Variants in EPHB1 observed in about 807,000 individuals in gnomAD.
EPHB1 encodes the protein ephrin type-B receptor 1.
In EPHB1, 30 loss-of-function variants were observed where a neutral mutation model predicts 94.4. That is an observed-to-expected ratio of 0.32 (90% CI 0.24 to 0.43). EPHB1 has a LOEUF of 0.43. Among genes scored for constraint, EPHB1 ranks in the 20% least tolerant of loss-of-function variants. The pLI is 1.00. For missense variants in EPHB1, 1,055 were observed against 1,308.3 expected (o/e 0.81, Z 2.99); for synonymous variants, 522 against 489.1 (o/e 1.07, Z -0.89).
chr3:135,004,339 G>C (rs946363052), intron 3 of EPHB1, among the ~76,000 whole-genome samples: 7 of 151,648 alleles, frequency 4.6e-5, no homozygotes, highest in African/African-American at 1.7e-4. Context: ...CTGTTAGTCT[G>C]ATGGTCTTCC....
intron 3 of EPHB1, among the ~76,000 whole-genome samples, chr3:135,065,147 C>T (rs573255252): frequency 1.3e-4 from 20 of 152,132 alleles, no homozygotes; most frequent in African/African-American, 2.4e-4. Flanking sequence ...GAGAAAGTTC[C>T]GTGCACTGTT....
intron 1 of EPHB1, among the ~76,000 whole-genome samples, chr3:134,867,546 G>A (rs973381642): frequency 5.9e-5 from 9 of 152,214 alleles, no homozygotes; most frequent in Admixed American, 3.9e-4. Context: ...AGTGAGAGGT[G>A]CACTTGGCCT....
intron 1 of EPHB1, among the ~76,000 whole-genome samples, chr3:134,847,430 A>T (rs923037334): frequency 2.2e-4 from 34 of 152,346 alleles, no homozygotes; most frequent in East Asian, 1.5e-3. Flanking sequence ...CACTCCACCT[A>T]CTTTACCAGT....
chr3:135,120,725 C>T (rs1445731061), intron 4 of EPHB1, among the ~76,000 whole-genome samples: 1 of 152,318 alleles, frequency 6.6e-6, no homozygotes, highest in East Asian at 1.9e-4. Flanking sequence ...GCACATGTCT[C>T]TTTTACAGCT....
At chr3:135,227,753 A>G (rs1206166813) in intron 12 of EPHB1, among the ~76,000 whole-genome samples, 1 of 152,218 alleles carries the variant, frequency 6.6e-6, no homozygotes. Flanking sequence ...TAAAAAAATA[A>G]TGTCAAACTT....
chr3:134,905,733 G>A (rs2038309925), intron 1 of EPHB1, among the ~76,000 whole-genome samples: 1 of 152,174 alleles, frequency 6.6e-6, no homozygotes, highest in Non-Finnish European at 1.5e-5. Flanking sequence ...GTTTCCTCTT[G>A]GTGCTGACCA....
At chr3:135,215,475 T>G (rs1237151279) in intron 12 of EPHB1, among the ~76,000 whole-genome samples, 1 of 152,190 alleles carries the variant, frequency 6.6e-6, no homozygotes, top group Non-Finnish European at 1.5e-5. Context: ...GATGTACATT[T>G]TAAAGCTAAC....
chr3:135,258,317 G>A (rs1933505693), intron 15 of EPHB1, among the ~76,000 whole-genome samples: 1 of 152,148 alleles, frequency 6.6e-6, no homozygotes. Context: ...GTTTAAATGA[G>A]ATAGTGTATG....
chr3:134,888,990 C>A (rs1006925682), intron 1 of EPHB1, among the ~76,000 whole-genome samples: 1 of 152,158 alleles, frequency 6.6e-6, no homozygotes, highest in African/African-American at 2.4e-5. Flanking sequence ...TTAGTAGGGA[C>A]TGAGGACTCA....
chr3:135,093,161 A>G (rs564412731), intron 3 of EPHB1, among the ~76,000 whole-genome samples: 48 of 152,340 alleles, frequency 3.2e-4, no homozygotes, highest in African/African-American at 1.1e-3. Context: ...TGTCTATAAA[A>G]GGAAAAGAGC....
chr3:135,151,805 GTA>G (rs1941204213), intron 5 of EPHB1, among the ~76,000 whole-genome samples: 1 of 152,100 alleles, frequency 6.6e-6, no homozygotes, highest in Non-Finnish European at 1.5e-5. Flanking sequence ...ATTTAACACC[GTA>G]AAGGTTGAGA....
chr3:135,178,701 A>G (rs1252803673), intron 9 of EPHB1, among the ~76,000 whole-genome samples: 1 of 152,098 alleles, frequency 6.6e-6, no homozygotes, highest in Non-Finnish European at 1.5e-5. Flanking sequence ...GGGAGGTGCT[A>G]AAATGGAGCT....
chr3:135,165,397 G>C (rs1170562476), intron 7 of EPHB1, among the ~76,000 whole-genome samples: 2 of 152,178 alleles, frequency 1.3e-5, no homozygotes, highest in African/African-American at 4.8e-5. Flanking sequence ...ATTCAGCATG[G>C]TTCTAACATT....
At chr3:135,116,719 C>T (rs901078512) in intron 4 of EPHB1, among the ~76,000 whole-genome samples, 7 of 152,200 alleles carry the variant, frequency 4.6e-5, no homozygotes, top group African/African-American at 1.7e-4. Context: ...ACCCACCTTT[C>T]GTCAGTATGC....
At chr3:135,064,426 G>A (rs1198033079) in intron 3 of EPHB1, among the ~76,000 whole-genome samples, 1 of 152,054 alleles carries the variant, frequency 6.6e-6, no homozygotes, top group East Asian at 1.9e-4. Flanking sequence ...TTTAAGCTAG[G>A]AGGGTTGTGT....
chr3:135,157,113 A>G (rs750817908), intron 6 of EPHB1, among the ~76,000 whole-genome samples: 3 of 152,240 alleles, frequency 2.0e-5, no homozygotes, highest in African/African-American at 4.8e-5. Context: ...TAAAAGGAAA[A>G]CAAAGAAGTT....
Position 134,937,714 on chromosome 3 carries a change from G to T in EPHB1, c.123+11834G>T, listed in dbSNP as rs532401985. Among the ~76,000 whole-genome samples, 5 of 152,296 alleles carry T rather than the reference G, an allele frequency of 3.3e-5. No homozygotes were observed. In the East Asian group the frequency reaches 7.7e-4, roughly 24 times the overall value. ...CTCTGTCAATGGAGTCCAGGCCTGG[G>T]CTTAGCAGTATCAAGCAGCTGGGGC... On this transcript the variant is annotated intron_variant, in intron 2 of 15. Transcript: ENST00000398015.
chr3:134,985,010 C>T (rs1320174949), intron 3 of EPHB1, among the ~76,000 whole-genome samples: 1 of 152,170 alleles, frequency 6.6e-6, no homozygotes, highest in Non-Finnish European at 1.5e-5. Context: ...TGTGGACCAG[C>T]ACCCTGATGT....
chr3:135,152,079 A>C (rs541584087), intron 5 of EPHB1, among the ~76,000 whole-genome samples: 43 of 152,310 alleles, frequency 2.8e-4, no homozygotes, highest in African/African-American at 1.0e-3. Context: ...AAGCCTAAGG[A>C]GAATTTAGGG....
Sources: gnomAD v4.1 joint callset for allele counts (sites outside exome capture counted in the v4.1 genomes callset) on GRCh38, gnomAD v4.1.1 for gene constraint, MANE v1.5 for transcripts, NCBI Gene and HGNC (gene_info 2026-07-23, HGNC 2026-07-21) for gene names.